UBE2E2: variants seen among roughly 807,000 people sequenced by gnomAD.
UBE2E2 encodes the protein ubiquitin conjugating enzyme E2 E2, also known as ubiquitin-conjugating enzyme E2 E2.
Under a neutral mutation model 24.7 loss-of-function variants are expected in UBE2E2, and 6 were observed. That is an observed-to-expected ratio of 0.24 (90% CI 0.13 to 0.48). The LOEUF (loss-of-function observed/expected upper bound fraction) is 0.48, where lower values mean the gene tolerates loss of function less well. UBE2E2 is among the 20% of genes least tolerant of loss of function. UBE2E2 has a pLI of 0.99. For synonymous variants in UBE2E2, 104 were observed against 83.6 expected, an observed-to-expected ratio of 1.24 and a Z score of -1.33; for missense variants, 169 against 245.0, an observed-to-expected ratio of 0.69 and a Z score of 2.07.
chr3:23,410,834 A>G (rs934655915), intron 3 of UBE2E2, among the ~76,000 whole-genome samples: 1 of 152,148 alleles, frequency 6.6e-6, no homozygotes, highest in Non-Finnish European at 1.5e-5. Context: ...TAACAGCAGA[A>G]GTGTCTGTAA....
intron 1 of UBE2E2, among the ~76,000 whole-genome samples, chr3:23,207,448 G>T (rs542292157): frequency 6.6e-6 from 1 of 152,160 alleles, no homozygotes; most frequent in Admixed American, 6.5e-5. Context: ...AAAATCTTCA[G>T]TGTCTTCATC....
At chr3:23,487,129 G>A (rs981356967) in intron 3 of UBE2E2, among the ~76,000 whole-genome samples, 3 of 152,374 alleles carry the variant, frequency 2.0e-5, no homozygotes, top group African/African-American at 7.2e-5. Flanking sequence ...GGCGGCCAAG[G>A]TGGTGGGGGC....
intron 3 of UBE2E2, among the ~76,000 whole-genome samples, chr3:23,255,247 C>A (rs1697687941): frequency 6.6e-6 from 1 of 150,576 alleles, no homozygotes; most frequent in East Asian, 2.0e-4. Context: ...CTGTGCCCCG[C>A]TAATTTTTGT....
At chr3:23,564,426 C>T in intron 5 of UBE2E2, among the ~76,000 whole-genome samples, 1 of 152,200 alleles carries the variant, frequency 6.6e-6, no homozygotes, top group Middle Eastern at 3.4e-3. Context: ...TTAAATATGG[C>T]TGTATAATGT....
intron 3 of UBE2E2, among the ~76,000 whole-genome samples, chr3:23,332,293 G>A (rs1479749544): frequency 6.6e-6 from 1 of 151,962 alleles, no homozygotes; most frequent in Non-Finnish European, 1.5e-5. Context: ...CAAGTGCTGT[G>A]CCATTATGCC....
intron 3 of UBE2E2, chr3:23,450,005 C>T (rs1341572189): frequency 1.2e-6 from 1 of 833,850 alleles, no homozygotes. Flanking sequence ...ACAGCAATGG[C>T]TTTGAGGACC....
intron 3 of UBE2E2, among the ~76,000 whole-genome samples, chr3:23,491,698 A>G (rs954958912): frequency 6.6e-6 from 1 of 152,222 alleles, no homozygotes. Context: ...GTATGCTGCA[A>G]AGGACTTTGG....
At chr3:23,375,999 T>C (rs763764022) in intron 3 of UBE2E2, among the ~76,000 whole-genome samples, 11 of 152,226 alleles carry the variant, frequency 7.2e-5, no homozygotes, top group African/African-American at 1.2e-4. Context: ...GTATAATGTT[T>C]GGTAAATCAT....
intron 3 of UBE2E2, among the ~76,000 whole-genome samples, chr3:23,289,361 A>G (rs1218118564): frequency 2.0e-5 from 3 of 152,254 alleles, no homozygotes; most frequent in Non-Finnish European, 2.9e-5. Flanking sequence ...TGAGAAAACC[A>G]ACAATGATAC....
At chr3:23,534,696 T>C (rs1424669525) in intron 5 of UBE2E2, among the ~76,000 whole-genome samples, 3 of 152,200 alleles carry the variant, frequency 2.0e-5, no homozygotes, top group African/African-American at 4.8e-5. Context: ...CACACTGTTA[T>C]CTGGTACACT....
intron 3 of UBE2E2, among the ~76,000 whole-genome samples, chr3:23,252,964 C>T (rs1046093374): frequency 3.3e-5 from 5 of 152,118 alleles, no homozygotes; most frequent in Non-Finnish European, 7.4e-5. Flanking sequence ...CTGCTGTTTT[C>T]TAAATTTTAT....
intron 3 of UBE2E2, among the ~76,000 whole-genome samples, chr3:23,238,124 AAAAAG>A (rs1697165894): frequency 6.6e-6 from 1 of 152,174 alleles, no homozygotes; most frequent in Non-Finnish European, 1.5e-5. Context: ...TTATTGTTGA[AAAAAG>A]CCTGGTTCCC....
intron 3 of UBE2E2, among the ~76,000 whole-genome samples, chr3:23,222,331 A>T (rs562850665): frequency 3.9e-5 from 6 of 152,226 alleles, no homozygotes; most frequent in Middle Eastern, 3.4e-3. Context: ...TATCTCTTTG[A>T]TACATTAATC....
intron 3 of UBE2E2, among the ~76,000 whole-genome samples, chr3:23,260,500 A>G (rs926994282): frequency 3.9e-5 from 6 of 152,140 alleles, no homozygotes; most frequent in African/African-American, 9.7e-5. Flanking sequence ...TATTGTCCCT[A>G]TAATCTAATT....
intron 3 of UBE2E2, among the ~76,000 whole-genome samples, chr3:23,416,479 T>C (rs530214459): frequency 1.3e-5 from 2 of 152,304 alleles, no homozygotes; most frequent in East Asian, 3.9e-4. Flanking sequence ...TGGCTGCCCT[T>C]AACATTTTTT....
At chr3:23,551,469 G>A (rs1022455573) in intron 5 of UBE2E2, among the ~76,000 whole-genome samples, 7 of 152,168 alleles carry the variant, frequency 4.6e-5, no homozygotes, top group African/African-American at 1.7e-4. Flanking sequence ...CATGCAAACA[G>A]CTATACTATT....
At chr3:23,565,993 G>C (rs997273308) in intron 5 of UBE2E2, among the ~76,000 whole-genome samples, 1 of 152,160 alleles carries the variant, frequency 6.6e-6, no homozygotes, top group Non-Finnish European at 1.5e-5. Flanking sequence ...AACTTAGAGA[G>C]ATGGAAGCCA....
At chr3:23,487,170 T>A (rs576178666) in intron 3 of UBE2E2, among the ~76,000 whole-genome samples, 59 of 152,184 alleles carry the variant, frequency 3.9e-4, no homozygotes, top group Non-Finnish European at 6.5e-4. Context: ...CCACCCCAAG[T>A]GTGTGCACAC....
intron 5 of UBE2E2, among the ~76,000 whole-genome samples, chr3:23,570,684 G>A (rs1696198185): frequency 1.3e-5 from 2 of 152,266 alleles, no homozygotes; most frequent in South Asian, 4.1e-4. Flanking sequence ...CCTGACAAAT[G>A]AGTATATTTC....
Sources: allele counts gnomAD v4.1 joint callset (sites outside exome capture counted in the v4.1 genomes callset), GRCh38; gene constraint gnomAD v4.1.1; transcripts MANE v1.5; gene names NCBI Gene and HGNC (gene_info 2026-07-23, HGNC 2026-07-21).